The following KAZN variants were observed in gnomAD, a reference collection of about 807,000 sequenced individuals.
KAZN encodes the protein kazrin.
Under a neutral mutation model 87.4 loss-of-function variants are expected in KAZN, and 40 were observed. That is an observed-to-expected ratio of 0.46 (90% CI 0.36 to 0.60). The LOEUF (loss-of-function observed/expected upper bound fraction) is 0.60, where lower values mean the gene tolerates loss of function less well. Among genes scored for constraint, KAZN ranks in the 20% least tolerant of loss-of-function variants. KAZN has a pLI of 0.00. For synonymous variants in KAZN, 466 were observed against 458.3 expected (o/e 1.02, Z -0.22); for missense variants, 898 against 1,073.9 (o/e 0.84, Z 2.29).
chr1:14,420,405 CAG>C (rs952755652), intron 2 of KAZN, among the ~76,000 whole-genome samples: 7 of 152,218 alleles, frequency 4.6e-5, no homozygotes, highest in East Asian at 1.9e-4. Context: ...CCACCCGACT[CAG>C]GGGCCCAGCT....
chr1:14,550,741 C>CCG (rs1673462287), intron 2 of KAZN, among the ~76,000 whole-genome samples: 1 of 75,636 alleles, frequency 1.3e-5, no homozygotes, highest in African/African-American at 3.9e-5. Flanking sequence ...CTCTCTCTCC[C>CCG]CCACCCCGCC....
intron 1 of KAZN, among the ~76,000 whole-genome samples, chr1:13,999,822 G>C (rs1240265069): frequency 6.6e-6 from 1 of 151,944 alleles, no homozygotes; most frequent in Non-Finnish European, 1.5e-5. Context: ...AAAGAAGAAA[G>C]AGAAGAATCA....
intron 2 of KAZN, among the ~76,000 whole-genome samples, chr1:14,230,193 G>A (rs956534121): frequency 3.3e-5 from 5 of 152,200 alleles, no homozygotes; most frequent in African/African-American, 7.2e-5. Flanking sequence ...CAGGGATTTT[G>A]TGCAAAACAA....
At chr1:14,046,571 T>C (rs1642082931) in intron 1 of KAZN, among the ~76,000 whole-genome samples, 1 of 152,190 alleles carries the variant, frequency 6.6e-6, no homozygotes, top group Non-Finnish European at 1.5e-5. Context: ...AGAACTTGCT[T>C]GCAGAGATCA....
At chr1:14,178,122 C>T (rs911504568) in intron 1 of KAZN, among the ~76,000 whole-genome samples, 32 of 152,116 alleles carry the variant, frequency 2.1e-4, no homozygotes, top group African/African-American at 7.5e-4. Flanking sequence ...CCCCTGCTGG[C>T]ACTCATTCTC....
chr1:14,284,939 T>G (rs1394642929), intron 2 of KAZN, among the ~76,000 whole-genome samples: 2 of 152,252 alleles, frequency 1.3e-5, no homozygotes, highest in Admixed American at 6.5e-5. Context: ...TTCTCTGGGC[T>G]CTTGGCAAGT....
At chr1:14,419,692 G>A (rs755237234) in intron 2 of KAZN, among the ~76,000 whole-genome samples, 34 of 152,094 alleles carry the variant, frequency 2.2e-4, no homozygotes, top group Non-Finnish European at 3.7e-4. Context: ...TTGTGATCTC[G>A]CTGGCTTCAT....
chr1:14,381,365 A>C lies in KAZN; in HGVS notation c.249+200773A>C, dbSNP rs1180456264. Among the ~76,000 whole-genome samples the C allele has an allele frequency of 2.7e-5, 4 of 150,822 alleles. No individual in the cohort carries two copies. The East Asian group carries it at 8.5e-4, about 32-fold the overall frequency. On this transcript the variant is annotated intron_variant, in intron 2 of 16. Coordinates refer to the KAZN transcript ENST00000636203. ...AGTATTACCCTGCTACCAAAACCGG[A>C]CAATCAAAAAAAAAAAATTGTAGGC...
intron 1 of KAZN, among the ~76,000 whole-genome samples, chr1:14,023,591 C>G (rs111550977): frequency 3.3e-5 from 5 of 152,096 alleles, no homozygotes; most frequent in African/African-American, 1.2e-4. Context: ...CTTGGGTGGA[C>G]ATTGACTGTA....
At chr1:14,236,883 C>G (rs1648478759) in intron 2 of KAZN, among the ~76,000 whole-genome samples, 1 of 152,138 alleles carries the variant, frequency 6.6e-6, no homozygotes, top group African/African-American at 2.4e-5. Flanking sequence ...ATGATCACAC[C>G]ACTGCACTCC....
intron 1 of KAZN, among the ~76,000 whole-genome samples, chr1:14,756,130 CT>C (rs1355120325): frequency 1.3e-5 from 2 of 152,182 alleles, no homozygotes; most frequent in East Asian, 3.9e-4. Flanking sequence ...CCTGACAAAG[CT>C]CATGGTGTGG....
At chr1:14,312,815 G>T (rs1218126501) in intron 2 of KAZN, among the ~76,000 whole-genome samples, 1 of 152,004 alleles carries the variant, frequency 6.6e-6, no homozygotes, top group Admixed American at 6.6e-5. Context: ...GGAAATGAGC[G>T]TGACCTCTGG....
At chr1:14,503,799 C>T (rs1246965912) in intron 2 of KAZN, among the ~76,000 whole-genome samples, 1 of 152,048 alleles carries the variant, frequency 6.6e-6, no homozygotes, top group African/African-American at 2.4e-5. Flanking sequence ...TATGCTAATA[C>T]CCTCCTCCTC....
rs181128286 is a variant in KAZN at position 14,257,252 on chromosome 1, G to C, written c.249+76660G>C. On this transcript the variant is annotated intron_variant, in intron 2 of 16. Coordinates refer to the KAZN transcript ENST00000636203. ...TGAGCATTTCTTCATGTGTTTTTTG[G>C]CTGCATAAATGTCTTCTTTTGAGAA... 3.8e-3 allele frequency among the ~76,000 whole-genome samples: 577 copies of C among 151,270 alleles called. 2 individuals carry two copies. Among genetic ancestry groups the C allele is most frequent in the African/African-American group, 0.013 (548 of 41,170 alleles).
intron 1 of KAZN, among the ~76,000 whole-genome samples, chr1:14,838,626 G>C (rs1647563664): frequency 1.3e-5 from 2 of 152,098 alleles, no homozygotes; most frequent in African/African-American, 4.8e-5. Flanking sequence ...CTTTTTGTTT[G>C]TGAGGGGAAG....
chr1:15,083,532 G>A (rs1229652214), intron 8 of KAZN, among the ~76,000 whole-genome samples: 2 of 152,182 alleles, frequency 1.3e-5, no homozygotes, highest in South Asian at 2.1e-4. Context: ...GAATATGCAG[G>A]CACTGTACGG....
intron 2 of KAZN, among the ~76,000 whole-genome samples, chr1:14,459,260 C>CGCGCGTGT (rs1303345359): frequency 1.7e-5 from 2 of 118,030 alleles, no homozygotes; most frequent in African/African-American, 3.0e-5. Flanking sequence ...TGTGTGTGCG[C>CGCGCGTGT]GTGTGTGTGT....
intron 2 of KAZN, among the ~76,000 whole-genome samples, chr1:14,559,058 T>A (rs1674092064): frequency 6.6e-6 from 1 of 152,182 alleles, no homozygotes; most frequent in South Asian, 2.1e-4. Context: ...GGATAAGTGA[T>A]CTTTTAGCTC....
chr1:14,235,280 T>A (rs552266385), intron 2 of KAZN, among the ~76,000 whole-genome samples: 1 of 152,292 alleles, frequency 6.6e-6, no homozygotes, highest in South Asian at 2.1e-4. Context: ...CAATGAAATA[T>A]TATTCATCCA....
Sources: allele counts gnomAD v4.1 joint callset (sites outside exome capture counted in the v4.1 genomes callset), GRCh38; gene constraint gnomAD v4.1.1; transcripts MANE v1.5; gene names NCBI Gene and HGNC (gene_info 2026-07-23, HGNC 2026-07-21).